POLI: variants seen among roughly 807,000 people sequenced by gnomAD.
POLI encodes RAD30 homolog B.
In POLI, 58 loss-of-function variants were observed where a neutral mutation model predicts 51.6. That is an observed-to-expected ratio of 1.12 (90% CI 0.91 to 1.40). The LOEUF is 1.40. Ranked by LOEUF, POLI falls within the 40% of genes most tolerant of loss-of-function variation. The pLI, the probability that POLI is intolerant of heterozygous loss-of-function variation, is 0.00. For synonymous variants in POLI, 322 were observed against 299.7 expected, an observed-to-expected ratio of 1.07 and a Z score of -0.77; for missense variants, 921 against 871.3, an observed-to-expected ratio of 1.06 and a Z score of -0.72.
intron 3 of POLI, among the ~76,000 whole-genome samples, chr18:54,318,518 A>C (rs1469491195): frequency 6.6e-6 from 1 of 152,158 alleles, no homozygotes; most frequent in Non-Finnish European, 1.5e-5. Context: ...AATATTGCAA[A>C]GATCTCATAT....
downstream of POLI, among the ~76,000 whole-genome samples, chr18:54,299,240 A>G (rs1394334213): frequency 1.3e-5 from 2 of 152,012 alleles, no homozygotes; most frequent in Non-Finnish European, 2.9e-5. Flanking sequence ...TTCGAGACCA[A>G]CCTGGGCAAC....
chr18:54,302,454 G>C (rs1426730100), downstream of POLI, among the ~76,000 whole-genome samples: 2 of 152,090 alleles, frequency 1.3e-5, no homozygotes, highest in East Asian at 3.9e-4. Flanking sequence ...GATTTGAGGA[G>C]ATAATTTCTC....
chr18:54,313,197 G>T (rs567731669), intron 3 of POLI, among the ~76,000 whole-genome samples: 10 of 152,224 alleles, frequency 6.6e-5, no homozygotes, highest in African/African-American at 2.4e-4. Context: ...ACCATGTATT[G>T]AATAGGCAGT....
chr18:54,287,257 T>C (rs1270892664), intron 7 of POLI, 24 bp from the exon 8 acceptor site: 7 of 1,499,762 alleles, frequency 4.7e-6, no homozygotes, highest in Non-Finnish European at 6.4e-6. Context: ...TAATTCCTTA[T>C]TTCCACTTTC....
chr18:54,298,588 C>CTTTTTT (rs145052748), downstream of POLI, among the ~76,000 whole-genome samples: 923 of 114,830 alleles, frequency 8.0e-3, 29 homozygotes, highest in Non-Finnish European at 0.01. Context: ...ACTACAGAAT[C>CTTTTTT]TTTTTTTTTT....
intron 2 of POLI, 98 bp downstream of exon 2, chr18:54,271,583 T>C: frequency 1.1e-6 from 1 of 876,902 alleles, no homozygotes; most frequent in Non-Finnish European, 1.7e-6. Flanking sequence ...TTAAGAAAGA[T>C]TTTGGAAGCA....
At chr18:54,274,132 G>T in intron 3 of POLI, 42 bp downstream of exon 3, 5 of 1,029,000 alleles carry the variant, frequency 4.9e-6, no homozygotes, top group Non-Finnish European at 6.6e-6. Context: ...TAATTTTTAT[G>T]TAGGATGCCT....
intron 3 of POLI, among the ~76,000 whole-genome samples, chr18:54,308,879 C>T (rs1451022785): frequency 6.6e-6 from 1 of 152,318 alleles, no homozygotes; most frequent in Admixed American, 6.5e-5. Flanking sequence ...GAATCGGCTA[C>T]TGAAGCTTGT....
At chr18:54,305,399 G>C (rs1418552529) in intron 3 of POLI, among the ~76,000 whole-genome samples, 1 of 152,166 alleles carries the variant, frequency 6.6e-6, no homozygotes, top group East Asian at 1.9e-4. Context: ...CATGAGCATG[G>C]AATGTTCTTC....
At chr18:54,285,521 AGT>A (rs61280100) in intron 7 of POLI, among the ~76,000 whole-genome samples, 48,138 of 144,448 alleles carry the variant, frequency 0.33, 8,511 homozygotes, top group East Asian at 0.61. Flanking sequence ...AAATTACAGG[AGT>A]GTGTGTGTGT....
chr18:54,316,596 A>G (rs1342869599), intron 3 of POLI, among the ~76,000 whole-genome samples: 1 of 152,200 alleles, frequency 6.6e-6, no homozygotes, highest in Non-Finnish European at 1.5e-5. Context: ...TAATAGCTAT[A>G]AAAGTTGGTA....
chr18:54,277,862 G>C lies in POLI; in HGVS notation c.559+7G>C. The C allele has an allele frequency of 6.3e-7, 1 of 1,597,734 alleles. No homozygotes were observed. The highest frequency in any genetic ancestry group is 8.5e-7 in the Non-Finnish European group (1 of 1,170,658). ...CATGTATACAATAATCAGTGTGAGT[G>C]GGTTCTTATTCATTCTACCTACTAA... On this transcript the variant is annotated splice_region_variant and intron_variant, in intron 4 of 9. Coordinates refer to ENST00000579534, the MANE Select transcript of POLI (RefSeq NM_007195.3).
At chr18:54,312,260 A>G (rs994826760) in intron 3 of POLI, among the ~76,000 whole-genome samples, 2 of 152,110 alleles carry the variant, frequency 1.3e-5, no homozygotes, top group African/African-American at 4.8e-5. Flanking sequence ...AGTGGCATCC[A>G]TGTTGCTGCA....
chr18:54,269,762 C>T, intron 1 of POLI, 101 bp downstream of exon 1: 2 of 1,395,330 alleles, frequency 1.4e-6, no homozygotes, highest in East Asian at 3.0e-5. Flanking sequence ...GCGACCGTCC[C>T]CGCCCCACTC....
Position 54,269,613 on chromosome 18 carries a change from G to A in POLI, c.67G>A (p.Ala23Thr). The A allele has an allele frequency of 1.3e-6, 2 of 1,512,176 alleles. No homozygotes were observed. Among genetic ancestry groups the A allele is most frequent in the Non-Finnish European group, 1.8e-6 (2 of 1,132,932 alleles). 93.7% of individuals were successfully genotyped at this position (1,512,176 alleles called of 1,614,324 possible). The change falls in exon 1 of 10, where the codon GCC becomes ACC. Residue 23 changes from alanine (A) to threonine (T), a missense_variant. Coordinates refer to ENST00000579534, the MANE Select transcript of POLI (RefSeq NM_007195.3). ...CGACGACGACGAGGAAGACGCCGAGGCCTGGGCCATGGAACTGGCGGACGT... is the reference window on the plus strand; with the variant it reads ...CGACGACGACGAGGAAGACGCCGAGACCTGGGCCATGGAACTGGCGGACGT... ...GGDDDEEDAEAWAMELADVGA... is the reference protein window; with the variant it reads ...GGDDDEEDAETWAMELADVGA...
intron 1 of POLI, chr18:54,270,637 G>C (rs958822897): frequency 2.0e-5 from 3 of 150,470 alleles, no homozygotes; most frequent in South Asian, 4.1e-4. Context: ...TTCATTTTCT[G>C]TTCCAGGATC....
rs375989695 is a variant in POLI at position 54,306,682 on chromosome 18, C to T, written c.334-13591C>T. ...TCCTCTTTGTACCTCTGGTAGAATT[C>T]GGCTGTGAATTCATCTGTTCCTGGA... On this transcript the variant is annotated intron_variant, in intron 3 of 4. Coordinates refer to the POLI transcript ENST00000579823. 9.7e-4 allele frequency among the ~76,000 whole-genome samples: 148 copies of T among 152,236 alleles called. 4 individuals are homozygous for T. The highest frequency in any genetic ancestry group is 3.4e-3 in the Middle Eastern group (1 of 294).
At chr18:54,281,811 T>A (rs1199770207) in intron 5 of POLI, among the ~76,000 whole-genome samples, 1 of 152,030 alleles carries the variant, frequency 6.6e-6, no homozygotes, top group Non-Finnish European at 1.5e-5. Flanking sequence ...AACCTTCTTT[T>A]TTTTCTGCTG....
chr18:54,281,539 A>G (rs769386067), intron 5 of POLI, among the ~76,000 whole-genome samples: 8 of 152,190 alleles, frequency 5.3e-5, no homozygotes, highest in Non-Finnish European at 8.8e-5. Context: ...CTTAGATGTC[A>G]TACTTCACAT....
Sources: allele counts gnomAD v4.1 joint callset (sites outside exome capture counted in the v4.1 genomes callset), GRCh38; gene constraint gnomAD v4.1.1; transcripts MANE v1.5; gene names NCBI Gene and HGNC (gene_info 2026-07-23, HGNC 2026-07-21).